MRPS9: variants seen among roughly 807,000 people sequenced by gnomAD.
MRPS9 encodes the protein mitochondrial ribosomal protein S9.
MRPS9 carries 45 observed loss-of-function variants against 59.9 expected under a neutral mutation model. That is an observed-to-expected ratio of 0.75 (90% CI 0.59 to 0.96). The LOEUF (loss-of-function observed/expected upper bound fraction) is 0.96, where lower values mean the gene tolerates loss of function less well. Among genes scored for constraint, MRPS9 ranks in the 40% least tolerant of loss-of-function variants. The probability of loss-of-function intolerance (pLI) is 0.00; values close to 1 mark genes in which losing one functional copy is unlikely to be tolerated. For missense variants in MRPS9, 473 were observed against 481.1 expected (o/e 0.98, Z 0.16); for synonymous variants, 171 against 166.8 (o/e 1.03, Z -0.19).
At chr2:105,098,650 GT>G (rs779092097) in intron 10 of MRPS9, 6 of 152,126 alleles carry the variant, frequency 3.9e-5, no homozygotes, top group Non-Finnish European at 7.4e-5. Context: ...AAATACTGCT[GT>G]TTTATTCCAT....
chr2:105,067,478 AC>A (rs1680023238), intron 2 of MRPS9, among the ~76,000 whole-genome samples: 1 of 152,162 alleles, frequency 6.6e-6, no homozygotes, highest in Non-Finnish European at 1.5e-5. Context: ...TACAGTGATG[AC>A]CACTAGACCT....
In MRPS9 at chr2:105,093,422, G is replaced by A. The variant is rs1680598567; in HGVS notation, c.821-108G>A. 1.4e-5 allele frequency: 8 copies of A among 581,042 alleles called. 1 individual carries two copies. In the South Asian group the frequency reaches 2.0e-4, roughly 14 times the overall value. The allele number at this position is 581,042 out of a possible 1,614,324, so 36.0% of individuals were successfully genotyped here. ...AATAATAGTTATAGGACTTGCTTAT[G>A]TACAGTGTTGTGTATTATTTTGGGG... On this transcript the variant is annotated intron_variant, in intron 8 of 10. Transcript: ENST00000258455.
At chr2:105,051,649 G>C (rs1292227727) in intron 2 of MRPS9, among the ~76,000 whole-genome samples, 1 of 152,202 alleles carries the variant, frequency 6.6e-6, no homozygotes, top group Non-Finnish European at 1.5e-5. Flanking sequence ...CTTAATGTTA[G>C]TTAAGTCTTC....
rs189903868 is a variant in MRPS9 at position 105,078,919 on chromosome 2, G to C, written c.410-1064G>C. ...GCCTTAAAGCATGTTTCCTCAGTGG[G>C]GGCAAAGACTGGTTCACGGGGGTGG... On this transcript the variant is annotated intron_variant, in intron 4 of 10. Coordinates refer to ENST00000258455, the MANE Select transcript of MRPS9 (RefSeq NM_182640.3). Among the ~76,000 whole-genome samples, 13 of 152,170 alleles carry C rather than the reference G, an allele frequency of 8.5e-5. 1 individual carries two copies. The highest frequency in any genetic ancestry group is 5.9e-4 in the Admixed American group (9 of 15,276).
intron 1 of MRPS9, among the ~76,000 whole-genome samples, chr2:105,048,311 A>G (rs978637359): frequency 1.2e-4 from 18 of 151,774 alleles, no homozygotes; most frequent in Admixed American, 1.2e-3. Flanking sequence ...ATGAGAACAC[A>G]TGGACACAGG....
At chr2:105,082,050 G>A (rs1680356820) in intron 5 of MRPS9, among the ~76,000 whole-genome samples, 1 of 152,148 alleles carries the variant, frequency 6.6e-6, no homozygotes. Context: ...TATAACACTT[G>A]GAGCCATCTC....
intron 5 of MRPS9, among the ~76,000 whole-genome samples, chr2:105,085,416 C>T (rs1680427838): frequency 6.6e-6 from 1 of 152,130 alleles, no homozygotes; most frequent in Non-Finnish European, 1.5e-5. Flanking sequence ...CTATTAGTTA[C>T]TATTTATGTT....
chr2:105,077,244 C>CAAAAAAAAAAAAAAAAA (rs56216293), intron 4 of MRPS9, among the ~76,000 whole-genome samples: 6 of 115,450 alleles, frequency 5.2e-5, no homozygotes, highest in Admixed American at 9.1e-5. Context: ...GACTCCATCT[C>CAAAAAAAAAAAAAAAAA]AAAAAAAAAA....
intron 4 of MRPS9, among the ~76,000 whole-genome samples, chr2:105,076,367 A>G (rs1309287645): frequency 6.6e-6 from 1 of 152,252 alleles, no homozygotes; most frequent in Non-Finnish European, 1.5e-5. Flanking sequence ...ACTAAATAAC[A>G]TGATGGTCTT....
intron 2 of MRPS9, among the ~76,000 whole-genome samples, chr2:105,054,058 A>G (rs1193315616): frequency 6.6e-6 from 1 of 152,184 alleles, no homozygotes; most frequent in Non-Finnish European, 1.5e-5. Context: ...ATGATCTTGT[A>G]GAAAAATACA....
At chr2:105,074,522 C>A (rs866040532) in intron 4 of MRPS9, among the ~76,000 whole-genome samples, 1 of 152,128 alleles carries the variant, frequency 6.6e-6, no homozygotes, top group African/African-American at 2.4e-5. Flanking sequence ...ACAGAGTAGG[C>A]CAGGCATAGT....
At chr2:105,088,313 A>T (rs1405094747) in intron 5 of MRPS9, among the ~76,000 whole-genome samples, 1 of 152,124 alleles carries the variant, frequency 6.6e-6, no homozygotes, top group Non-Finnish European at 1.5e-5. Context: ...TGCCTAGAAA[A>T]TATATTTCAT....
At chr2:105,084,311 A>G (rs1035960917) in intron 5 of MRPS9, among the ~76,000 whole-genome samples, 1 of 151,404 alleles carries the variant, frequency 6.6e-6, no homozygotes, top group African/African-American at 2.4e-5. Context: ...AATGTGAGAG[A>G]AAACCAGGTA....
chr2:105,041,722 TG>T (rs1679506115), intron 1 of MRPS9, among the ~76,000 whole-genome samples: 1 of 152,194 alleles, frequency 6.6e-6, no homozygotes, highest in South Asian at 2.1e-4. Context: ...AAATTAGTTA[TG>T]CCCTACCCCG....
At chr2:105,054,477 C>T (rs139546845) in intron 2 of MRPS9, among the ~76,000 whole-genome samples, 17 of 152,330 alleles carry the variant, frequency 1.1e-4, no homozygotes, top group African/African-American at 3.8e-4. Flanking sequence ...GAGTGTTAAC[C>T]GTTTTCCTTG....
chr2:105,092,662 T>G (rs1428338183), intron 8 of MRPS9, 93 bp downstream of exon 8: 17 of 1,155,808 alleles, frequency 1.5e-5, no homozygotes, highest in Non-Finnish European at 2.0e-5. Flanking sequence ...ATCCATTAGA[T>G]TTTTTATTTG....
chr2:105,051,031 T>A (rs180936870), intron 2 of MRPS9, among the ~76,000 whole-genome samples: 1 of 152,228 alleles, frequency 6.6e-6, no homozygotes. Flanking sequence ...TTCTGATGAA[T>A]AATACTGCTA....
chr2:105,045,724 A>G (rs950201483), intron 1 of MRPS9, among the ~76,000 whole-genome samples: 3 of 149,586 alleles, frequency 2.0e-5, no homozygotes, highest in Admixed American at 6.6e-5. Context: ...GATGAAACAT[A>G]CAAAAGAAAC....
chr2:105,049,108 C>A, intron 1 of MRPS9, 63 bp from the exon 2 acceptor site: 1 of 1,107,256 alleles, frequency 9.0e-7, no homozygotes, highest in South Asian at 1.5e-5. Flanking sequence ...TATTTAAGGA[C>A]AATGGCCTAG....
Sources: allele counts gnomAD v4.1 joint callset (sites outside exome capture counted in the v4.1 genomes callset), GRCh38; gene constraint gnomAD v4.1.1; transcripts MANE v1.5; gene names NCBI Gene and HGNC (gene_info 2026-07-23, HGNC 2026-07-21).